The following CASZ1 variants were observed in gnomAD, a reference collection of about 807,000 sequenced individuals.
CASZ1 encodes the protein castor zinc finger 1, also known as zinc finger protein castor homolog 1.
Under a neutral mutation model 135.2 loss-of-function variants are expected in CASZ1, and 28 were observed. That is an observed-to-expected ratio of 0.21 (90% confidence interval 0.15 to 0.28). The LOEUF (loss-of-function observed/expected upper bound fraction) is 0.28, where lower values mean the gene tolerates loss of function less well. CASZ1 is among the 10% of genes least tolerant of loss of function. CASZ1 has a pLI of 1.00. For synonymous variants in CASZ1, 1,068 were observed against 1,073.4 expected (o/e 0.99, Z 0.10); for missense variants, 2,161 against 2,453.3 (o/e 0.88, Z 2.52).
In CASZ1 at chr1:10,794,045, G is replaced by A. The variant is rs931032674; in HGVS notation, c.-234+2519C>T. 3.3e-5 allele frequency among the ~76,000 whole-genome samples: 5 copies of A among 152,164 alleles called. No homozygotes were observed. The highest frequency in any genetic ancestry group is 9.7e-5 in the African/African-American group (4 of 41,450). On this transcript the variant is annotated intron_variant, in intron 1 of 20. Coordinates refer to ENST00000377022, the MANE Select transcript of CASZ1 (RefSeq NM_001079843.3). This position sits in a 1 kb window ranked among gnomAD's most constrained non-coding sequence, Gnocchi z 5.6. ...CTCCGGGCACGTGGAGCGCAGCCCC[G>A]GCTCAGCCCCCGGGGAACAACTACC... is the stretch of plus-strand genomic sequence containing the variant.
chr1:10,653,161 A>G (rs1642652450), intron 11 of CASZ1: 1 of 632,976 alleles, frequency 1.6e-6, no homozygotes, highest in Non-Finnish European at 2.8e-6. Flanking sequence ...GGGAAACAGA[A>G]GCATGGCCCC....
intron 19 of CASZ1, 63 bp downstream of exon 19, chr1:10,643,097 A>G: frequency 6.3e-7 from 1 of 1,595,770 alleles, no homozygotes; most frequent in Non-Finnish European, 8.6e-7. Flanking sequence ...CCTGAGAGTG[A>G]GCGTGGGACC....
rs1203050608 is a variant in CASZ1 at position 10,648,324 on chromosome 1, C to A, written c.3159-185G>T. ...ACTGGAGGGCAAACTGCAGCGTCCC[C>A]TGGTTCCGAACTTGGTCTCCTGGCT... On this transcript the variant is annotated intron_variant, in intron 15 of 20. Coordinates refer to ENST00000377022, the MANE Select transcript of CASZ1 (RefSeq NM_001079843.3). 9.1e-5 allele frequency: 48 copies of A among 528,672 alleles called. No homozygotes were observed. In the East Asian group the frequency reaches 1.3e-3, roughly 15 times the overall value. 32.7% of individuals were successfully genotyped at this position (528,672 alleles called of 1,614,324 possible).
Position 10,756,305 on chromosome 1 carries a change from C to A in CASZ1, c.-77+4396G>T, listed in dbSNP as rs903292393. On this transcript the variant is annotated intron_variant, in intron 2 of 20. Coordinates refer to ENST00000377022, the MANE Select transcript of CASZ1 (RefSeq NM_001079843.3). The surrounding 1 kb of genome is among the most constrained non-coding windows in gnomAD (Gnocchi z 5.9). Reference sequence around the variant, plus strand: ...CACTTGGGACATCCCCGATGCACCCCCCACCCTCGCCCCCGCAAGACATCA... The same window carrying A: ...CACTTGGGACATCCCCGATGCACCCACCACCCTCGCCCCCGCAAGACATCA... Among the ~76,000 whole-genome samples the A allele has an allele frequency of 6.6e-6, 1 of 152,212 alleles. No individual in the cohort carries two copies. The highest frequency in any genetic ancestry group is 1.5e-5 in the Non-Finnish European group (1 of 68,020).
chr1:10,785,273 TCTTTC>T (rs1324107519), intron 1 of CASZ1, among the ~76,000 whole-genome samples: 2 of 151,522 alleles, frequency 1.3e-5, no homozygotes, highest in Non-Finnish European at 2.9e-5. Context: ...CTTTCTTCCT[TCTTTC>T]CTTTCCTTTC....
chr1:10,727,007 G>A lies in CASZ1; in HGVS notation c.-76-21463C>T, dbSNP rs1639609883. On this transcript the variant is annotated intron_variant, in intron 2 of 20. Transcript: ENST00000377022. This position sits in a 1 kb window ranked among gnomAD's most constrained non-coding sequence, Gnocchi z 5.3. ...GGAGGGGAGGGAGACCGGGAGAGGTGACTGGCAAGGTTTTCACTTTACCCA... is the reference window on the plus strand; with the variant it reads ...GGAGGGGAGGGAGACCGGGAGAGGTAACTGGCAAGGTTTTCACTTTACCCA... 6.6e-6 allele frequency among the ~76,000 whole-genome samples: 1 copy of A among 152,170 alleles called. No individual in the cohort carries two copies. The highest frequency in any genetic ancestry group is 1.5e-5 in the Non-Finnish European group (1 of 68,020).
rs910874882 is a variant in CASZ1 at position 10,720,108 on chromosome 1, G to A, written c.-76-14564C>T. On this transcript the variant is annotated intron_variant, in intron 2 of 20. Coordinates refer to ENST00000377022, the MANE Select transcript of CASZ1 (RefSeq NM_001079843.3). The surrounding 1 kb of genome is among the most constrained non-coding windows in gnomAD (Gnocchi z 5.7). The stretch of plus-strand genomic sequence containing the variant: ...CTTGGATCCGGCTGCAAGTTCTGAA[G>A]TCTGGTAGGTACCGATGGGCATGTG... 2.2e-4 allele frequency among the ~76,000 whole-genome samples: 34 copies of A among 152,246 alleles called. No individual in the cohort carries two copies. Among genetic ancestry groups the A allele is most frequent in the African/African-American group, 7.7e-4 (32 of 41,462 alleles).
rs891079691 is a variant in CASZ1 at position 10,717,698 on chromosome 1, T to TC, written c.-76-12155dup. Among the ~76,000 whole-genome samples the TC allele has an allele frequency of 1.3e-5, 2 of 151,012 alleles. No homozygotes were observed. The highest frequency in any genetic ancestry group is 4.9e-5 in the African/African-American group (2 of 40,996). On this transcript the variant is annotated intron_variant, in intron 2 of 20. Transcript: ENST00000377022. This position sits in a 1 kb window ranked among gnomAD's most constrained non-coding sequence, Gnocchi z 4.6. ...GCGGAGGTAGAAAACCCTTGCCAAT[T>TC]CCCCCCCAACTGATGTCAGAGCTGC...
At chr1:10,654,796 C>A (rs892931487) in intron 9 of CASZ1, among the ~76,000 whole-genome samples, 1 of 152,230 alleles carries the variant, frequency 6.6e-6, no homozygotes, top group Non-Finnish European at 1.5e-5. Flanking sequence ...CACAGAGGGA[C>A]CAAGTGCTGC....
intron 2 of CASZ1, among the ~76,000 whole-genome samples, chr1:10,733,891 C>A (rs1268324707): frequency 6.6e-6 from 1 of 152,152 alleles, no homozygotes; most frequent in Non-Finnish European, 1.5e-5. Context: ...GAAGGAGAGT[C>A]CATGAAATAA....
Position 10,701,232 on chromosome 1 carries a change from T to C in CASZ1, c.-24+4260A>G, listed in dbSNP as rs76525100. Among the ~76,000 whole-genome samples, 1,834 of 152,310 alleles carry C rather than the reference T, an allele frequency of 0.012. 35 individuals are homozygous for C. The highest frequency in any genetic ancestry group is 0.066 in the East Asian group (341 of 5,186). Reference sequence around the variant, plus strand: ...GGTACGTGGCCCTCCTCCTGCCTCCTGCCCGGGTCCCTGGAGAGGAGGCTG... The same window carrying C: ...GGTACGTGGCCCTCCTCCTGCCTCCCGCCCGGGTCCCTGGAGAGGAGGCTG... On this transcript the variant is annotated intron_variant, in intron 3 of 20. Coordinates refer to ENST00000377022, the MANE Select transcript of CASZ1 (RefSeq NM_001079843.3). The surrounding 1 kb of genome is among the most constrained non-coding windows in gnomAD (Gnocchi z 6.3).
chr1:10,745,929 G>A (rs1194312566), intron 2 of CASZ1, among the ~76,000 whole-genome samples: 1 of 152,014 alleles, frequency 6.6e-6, no homozygotes, highest in Non-Finnish European at 1.5e-5. Flanking sequence ...AAGGAGGCCT[G>A]GTGGCCGTGG....
intron 4 of CASZ1, among the ~76,000 whole-genome samples, chr1:10,669,675 G>A (rs1009992598): frequency 3.3e-5 from 5 of 152,158 alleles, no homozygotes; most frequent in Admixed American, 2.0e-4. Context: ...GCCCCCTCCC[G>A]CAGGCATCCT....
At chr1:10,696,038 C>T (rs527994447) in intron 3 of CASZ1, among the ~76,000 whole-genome samples, 3 of 152,242 alleles carry the variant, frequency 2.0e-5, no homozygotes, top group Non-Finnish European at 4.4e-5. Context: ...CAGCATCCAG[C>T]AACATGGCGC....
chr1:10,784,725 G>A (rs1257852934), intron 1 of CASZ1, among the ~76,000 whole-genome samples: 4 of 151,980 alleles, frequency 2.6e-5, no homozygotes, highest in African/African-American at 7.3e-5. Context: ...CACCATACCC[G>A]GCTAATTTTT....
rs778920659 is a variant in CASZ1 at position 10,726,699 on chromosome 1, G to T, written c.-76-21155C>A. ...TTAGCATTCCTTTCCTGCAGGAGCT[G>T]CCCAGGGCACCCAGGAAAGGAGACA... On this transcript the variant is annotated intron_variant, in intron 2 of 20. Transcript: ENST00000377022. The surrounding 1 kb of genome is among the most constrained non-coding windows in gnomAD (Gnocchi z 5.7). Among the ~76,000 whole-genome samples, 3 of 152,214 alleles carry T rather than the reference G, an allele frequency of 2.0e-5. No individual in the cohort carries two copies. The highest frequency in any genetic ancestry group is 4.8e-5 in the African/African-American group (2 of 41,458).
intron 4 of CASZ1, among the ~76,000 whole-genome samples, chr1:10,693,613 GC>G (rs949021480): frequency 9.3e-5 from 14 of 150,934 alleles, no homozygotes; most frequent in Non-Finnish European, 1.6e-4. Flanking sequence ...CTCTCTGGGT[GC>G]CCCCCAGCTC....
chr1:10,730,862 C>A lies in CASZ1; in HGVS notation c.-76-25318G>T, dbSNP rs1185170203. Among the ~76,000 whole-genome samples the A allele has an allele frequency of 2.0e-5, 3 of 152,148 alleles. No individual in the cohort carries two copies. The South Asian group carries it at 6.2e-4, about 31-fold the overall frequency. The stretch of plus-strand genomic sequence containing the variant: ...GTGGCTCATGCCTGTAATCCTAGCA[C>A]TTTGGGAGGCTGAGGTGGGTGGATC... On this transcript the variant is annotated intron_variant, in intron 2 of 20. Coordinates refer to ENST00000377022, the MANE Select transcript of CASZ1 (RefSeq NM_001079843.3).
rs1380171353 is a variant in CASZ1 at position 10,679,261 on chromosome 1, C to T, written c.17-13690G>A. Among the ~76,000 whole-genome samples, 3 of 152,210 alleles carry T rather than the reference C, an allele frequency of 2.0e-5. No individual in the cohort carries two copies. Among genetic ancestry groups the T allele is most frequent in the African/African-American group, 7.2e-5 (3 of 41,456 alleles). On this transcript the variant is annotated intron_variant, in intron 4 of 20. Coordinates refer to ENST00000377022, the MANE Select transcript of CASZ1 (RefSeq NM_001079843.3). This position sits in a 1 kb window ranked among gnomAD's most constrained non-coding sequence, Gnocchi z 4.7. ...CAAAGGGCCCCTGCTGCCTCCAGGA[C>T]AGAGCCTAGTCCCAAACCTGAGGCA...
Sources: gnomAD v4.1 joint callset for allele counts (sites outside exome capture counted in the v4.1 genomes callset) on GRCh38, gnomAD v4.1.1 for gene constraint, Gnocchi (gnomAD v3.1) non-coding constraint, MANE v1.5 for transcripts, NCBI Gene and HGNC (gene_info 2026-07-23, HGNC 2026-07-21) for gene names.